HS6ST2: variants seen among roughly 807,000 people sequenced by gnomAD.
The protein encoded by HS6ST2 is heparan-sulfate 6-O-sulfotransferase 2.
In HS6ST2, 17 loss-of-function variants were observed where a neutral mutation model predicts 33.0. The ratio of observed to expected loss-of-function variants is 0.52; its 90% CI spans 0.35 to 0.77. The LOEUF (loss-of-function observed/expected upper bound fraction) is 0.77, where lower values mean the gene tolerates loss of function less well. HS6ST2 is among the 30% of genes least tolerant of loss of function. HS6ST2 has a pLI of 0.01. For missense variants in HS6ST2, 519 were observed against 551.7 expected, an observed-to-expected ratio of 0.94 and a Z score of 0.59; for synonymous variants, 248 against 237.1, an observed-to-expected ratio of 1.05 and a Z score of -0.42.
chrX:132,809,867 T>G (rs767781801), intron 2 of HS6ST2, among the ~76,000 whole-genome samples: 5 of 111,948 alleles, frequency 4.5e-5, no homozygotes, highest in Non-Finnish European at 7.5e-5. Context: ...CCAACTCCAT[T>G]GTTCTTTGTA....
chrX:132,703,544 A>G (rs1233731119), intron 3 of HS6ST2, among the ~76,000 whole-genome samples: 2 of 112,474 alleles, frequency 1.8e-5, no homozygotes, highest in East Asian at 5.6e-4. Context: ...TAAAGATATC[A>G]GCCCTGAGCC....
chrX:132,755,082 C>T (rs749937966), intron 2 of HS6ST2, among the ~76,000 whole-genome samples: 1 of 109,924 alleles, frequency 9.1e-6, no homozygotes, highest in South Asian at 4.0e-4. Flanking sequence ...TTACACTCCA[C>T]CTCCTTGAGG....
chrX:132,765,333 G>A (rs937198089), intron 2 of HS6ST2, among the ~76,000 whole-genome samples: 16 of 112,761 alleles, frequency 1.4e-4, no homozygotes, highest in Non-Finnish European at 3.0e-4. Context: ...GGAGACACAC[G>A]TGTGTTAATG....
intron 2 of HS6ST2, among the ~76,000 whole-genome samples, chrX:132,754,690 A>G (rs1389810548): frequency 9.2e-6 from 1 of 108,959 alleles, no homozygotes; most frequent in African/African-American, 3.4e-5. Context: ...TGCTGGGATT[A>G]CAGATGTGAG....
chrX:132,906,788 C>A (rs776192792), intron 2 of HS6ST2, among the ~76,000 whole-genome samples: 1 of 111,596 alleles, frequency 9.0e-6, no homozygotes, highest in Non-Finnish European at 1.9e-5. Flanking sequence ...CTGCCTCAGC[C>A]TCCCGAGTAG....
At chrX:132,926,567 C>T (rs1054993561) in intron 2 of HS6ST2, among the ~76,000 whole-genome samples, 1 of 112,629 alleles carries the variant, frequency 8.9e-6, no homozygotes, top group Non-Finnish European at 1.9e-5. Context: ...TTGCAAATAA[C>T]ATTTCCTTTT....
At chrX:132,897,463 C>A (rs929276639) in intron 2 of HS6ST2, among the ~76,000 whole-genome samples, 2 of 111,353 alleles carry the variant, frequency 1.8e-5, no homozygotes, top group Non-Finnish European at 3.8e-5. Context: ...CATAATTAAA[C>A]CTCTCTATAT....
Position 132,852,118 on chromosome X carries a change from C to A in HS6ST2, c.947+104690G>T, listed in dbSNP as rs143802780. Among the ~76,000 whole-genome samples, 52 of 111,351 alleles carry A rather than the reference C, an allele frequency of 4.7e-4. No homozygotes were observed. The East Asian group carries it at 0.014, about 31-fold the overall frequency. On this transcript the variant is annotated intron_variant, in intron 2 of 4. Coordinates refer to ENST00000370833, the MANE Select transcript of HS6ST2 (RefSeq NM_001394073.1). Reference sequence around the variant, plus strand: ...TTGCACCACTGCCCTCCAGCCTGGGCAACAGAGTGAGACCCTGTCTCTTAA... The same window carrying A: ...TTGCACCACTGCCCTCCAGCCTGGGAAACAGAGTGAGACCCTGTCTCTTAA...
At chrX:132,778,245 TTAAA>T (rs2148329095) in intron 2 of HS6ST2, among the ~76,000 whole-genome samples, 1 of 112,403 alleles carries the variant, frequency 8.9e-6, no homozygotes. Flanking sequence ...TATAAGTTCT[TTAAA>T]TAAACAATGG....
intron 2 of HS6ST2, among the ~76,000 whole-genome samples, chrX:132,844,586 G>A (rs1467121777): frequency 1.8e-5 from 2 of 111,000 alleles, no homozygotes; most frequent in Non-Finnish European, 3.8e-5. Context: ...GCCATCAGCA[G>A]AATGAGCTCT....
At chrX:132,844,274 C>T (rs1010633464) in intron 2 of HS6ST2, among the ~76,000 whole-genome samples, 2 of 111,402 alleles carry the variant, frequency 1.8e-5, no homozygotes. Flanking sequence ...AGGGAAGCCA[C>T]TGACTAACCC....
intron 2 of HS6ST2, among the ~76,000 whole-genome samples, chrX:132,904,533 T>TTGTGTGTG (rs58820779): frequency 1.1e-5 from 1 of 94,534 alleles, no homozygotes. Flanking sequence ...TTTTTTCTCT[T>TTGTGTGTG]TGTGTGTGTG....
At chrX:132,629,374 G>A (rs1340101545) in intron 4 of HS6ST2, among the ~76,000 whole-genome samples, 1 of 111,135 alleles carries the variant, frequency 9.0e-6, no homozygotes, top group African/African-American at 3.3e-5. Context: ...CTTCACTCCC[G>A]TTCGTTCCCC....
chrX:132,687,110 C>T (rs1234019650), intron 3 of HS6ST2, among the ~76,000 whole-genome samples: 1 of 111,690 alleles, frequency 9.0e-6, no homozygotes, highest in East Asian at 2.8e-4. Context: ...CTGTTGTGAC[C>T]ATTGTATTCA....
intron 2 of HS6ST2, among the ~76,000 whole-genome samples, chrX:132,835,129 T>G (rs1302858731): frequency 8.9e-6 from 1 of 112,140 alleles, no homozygotes; most frequent in Non-Finnish European, 1.9e-5. Flanking sequence ...GTTCCATGCT[T>G]GAAAAGGTTA....
At chrX:132,890,101 G>C (rs2066292982) in intron 2 of HS6ST2, among the ~76,000 whole-genome samples, 1 of 111,687 alleles carries the variant, frequency 9.0e-6, no homozygotes, top group African/African-American at 3.3e-5. Flanking sequence ...ACAACAGTTA[G>C]CATTTAGTGA....
chrX:132,828,999 T>A (rs930531762), intron 2 of HS6ST2, among the ~76,000 whole-genome samples: 1 of 103,345 alleles, frequency 9.7e-6, no homozygotes, highest in Admixed American at 1.1e-4. Context: ...TTTTCATTTT[T>A]AAAAAATGAT....
chrX:132,673,409 T>C (rs2063899176), intron 3 of HS6ST2, among the ~76,000 whole-genome samples: 1 of 112,387 alleles, frequency 8.9e-6, no homozygotes, highest in Non-Finnish European at 1.9e-5. Flanking sequence ...TCTGGGAGAA[T>C]TGGACTCCAG....
intron 2 of HS6ST2, among the ~76,000 whole-genome samples, chrX:132,874,944 G>T (rs2066096907): frequency 8.9e-6 from 1 of 111,836 alleles, no homozygotes; most frequent in Non-Finnish European, 1.9e-5. Context: ...ATGGGCAGCA[G>T]AGAGTCAGGG....
Sources: gnomAD v4.1 joint callset for allele counts (sites outside exome capture counted in the v4.1 genomes callset) on GRCh38, gnomAD v4.1.1 for gene constraint, MANE v1.5 for transcripts, NCBI Gene and HGNC (gene_info 2026-07-23, HGNC 2026-07-21) for gene names.